The following LRRC56 variants were observed in gnomAD, a reference collection of about 807,000 sequenced individuals.
The protein encoded by LRRC56 is leucine rich repeat containing 56.
A neutral mutation model predicts 47.8 loss-of-function variants in LRRC56; 41 were observed. That is an observed-to-expected ratio of 0.86 (90% CI 0.67 to 1.11). The LOEUF (loss-of-function observed/expected upper bound fraction) is 1.11. Among genes scored for constraint, LRRC56 ranks in the 50% most tolerant of loss-of-function variants. The probability of loss-of-function intolerance (pLI) is 0.00; values close to 1 mark genes in which losing one functional copy is unlikely to be tolerated. For missense variants in LRRC56, 759 were observed against 704.2 expected, an observed-to-expected ratio of 1.08 and a Z score of -0.88; for synonymous variants, 387 against 311.2, an observed-to-expected ratio of 1.24 and a Z score of -2.56.
At chr11:551,037 G>A (rs773360911) in intron 8 of LRRC56, 94 bp from the exon 9 acceptor site, 23 of 730,824 alleles carry the variant, frequency 3.1e-5, no homozygotes, top group Non-Finnish European at 4.7e-5. Flanking sequence ...CCTGCCCCAC[G>A]GTGGGTCTGG....
At chr11:550,035 T>C in intron 7 of LRRC56, 37 bp downstream of exon 7, 2 of 1,608,806 alleles carry the variant, frequency 1.2e-6, no homozygotes. Context: ...AGGCCTGGGC[T>C]GGGCCGGGCC....
chr11:551,766 G>A lies in LRRC56; in HGVS notation c.912G>A (p.Leu304=). 6.2e-7 allele frequency: 1 copy of A among 1,610,676 alleles called. No individual in the cohort carries two copies. Residue 304 remains leucine (L), a synonymous_variant, in exon 10 of 14, where the codon CTG becomes CTA. Coordinates refer to ENST00000270115, the MANE Select transcript of LRRC56 (RefSeq NM_198075.4). The part of the protein sequence containing the change: ...PFSLLVRGGP[L]PEGLLSEDLA... ...CCCTGCTGGTCCGTGGGGGCCCCCT[G>A]CCTGAAGGCCTGCTTTCTGAGGACC...
upstream of LRRC56, chr11:535,523 G>A (rs1380744369): frequency 5.4e-5 from 8 of 148,058 alleles, no homozygotes; most frequent in African/African-American, 2.0e-4. Context: ...TCCGCGGCGG[G>A]TGCGGCTCGG....
the LRRC56 span, among the ~76,000 whole-genome samples, chr11:509,093 C>A: frequency 2.2e-3 from 329 of 152,202 alleles, 6 homozygotes; most frequent in Admixed American, 0.02. Flanking sequence ...GGTTCACACA[C>A]ACACACACAC....
chr11:508,479 G>A, the LRRC56 span, among the ~76,000 whole-genome samples: 2 of 152,218 alleles, frequency 1.3e-5, no homozygotes, highest in African/African-American at 4.8e-5. Context: ...TAAAGAAGGT[G>A]GTTCTGGCCG....
the LRRC56 span, among the ~76,000 whole-genome samples, chr11:509,086 T>TCA: frequency 0.1 from 15,351 of 150,360 alleles, 1,019 homozygotes; most frequent in Admixed American, 0.19. Context: ...AGAAGGTGGT[T>TCA]CACACACACA....
chr11:553,829 GTGC>G, intron 13 of LRRC56, 131 bp from the exon 14 acceptor site: 1 of 734,022 alleles, frequency 1.4e-6, no homozygotes, highest in Non-Finnish European at 2.3e-6. Flanking sequence ...GGGTGCAGGG[GTGC>G]TGCTGCCTGT....
the LRRC56 span, chr11:529,808 G>A: frequency 6.6e-6 from 1 of 152,388 alleles, no homozygotes; most frequent in African/African-American, 2.4e-5. Flanking sequence ...CTCCCTCAAG[G>A]GGAGGAGCTG....
At chr11:524,241 A>G in the LRRC56 span, among the ~76,000 whole-genome samples, 16 of 152,228 alleles carry the variant, frequency 1.1e-4, no homozygotes, top group Non-Finnish European at 1.5e-4. Context: ...GAAGGGGCAG[A>G]CACACACCGA....
At chr11:511,277 C>T in the LRRC56 span, among the ~76,000 whole-genome samples, 532 of 149,482 alleles carry the variant, frequency 3.6e-3, 2 homozygotes, top group Non-Finnish European at 5.9e-3. Flanking sequence ...GCCAAGATCG[C>T]GCCACTGCAC....
At position 552,756 on chromosome 11, in the gene LRRC56, T is replaced by C. The variant is rs12361381; in HGVS notation, c.1315+54T>C. 1,405,885 of 1,517,712 alleles carry C rather than the reference T, an allele frequency of 0.93. 652,232 individuals are homozygous for C. The highest frequency in any genetic ancestry group is 0.97 in the Admixed American group (49,743 of 51,526). 94.0% of individuals were successfully genotyped at this position (1,517,712 alleles called of 1,614,324 possible). A position where few individuals can be genotyped will look rare whatever the true frequency, so the allele number is the denominator to read the frequency against. Reference sequence around the variant, plus strand: ...TGCCTGGGAGTGACCAACACCCCACTTCTATAGGGGGGCCCTTACCCCAGA... The same window carrying C: ...TGCCTGGGAGTGACCAACACCCCACCTCTATAGGGGGGCCCTTACCCCAGA... On this transcript the variant is annotated intron_variant, in intron 13 of 13. Coordinates refer to ENST00000270115, the MANE Select transcript of LRRC56 (RefSeq NM_198075.4).
chr11:532,880 A>AG, upstream of LRRC56: 1 of 932,250 alleles, frequency 1.1e-6, no homozygotes, highest in Non-Finnish European at 1.7e-6. Flanking sequence ...CCACTTCCCC[A>AG]GGCCCACCAC....
At chr11:521,372 G>T in the LRRC56 span, among the ~76,000 whole-genome samples, 1 of 152,288 alleles carries the variant, frequency 6.6e-6, no homozygotes, top group East Asian at 1.9e-4. Context: ...GCAGTGCCAT[G>T]ATCACAGGTC....
At chr11:523,171 G>A in the LRRC56 span, among the ~76,000 whole-genome samples, 3 of 152,088 alleles carry the variant, frequency 2.0e-5, no homozygotes, top group Non-Finnish European at 4.4e-5. Flanking sequence ...TGGGATTACA[G>A]GCACGCACCA....
At chr11:531,739 C>A in the LRRC56 span, among the ~76,000 whole-genome samples, 3 of 152,204 alleles carry the variant, frequency 2.0e-5, no homozygotes, top group Non-Finnish European at 4.4e-5. Flanking sequence ...TGAGGCCAGT[C>A]GGTGCTGGAG....
intron 6 of LRRC56, among the ~76,000 whole-genome samples, chr11:547,800 C>T (rs758723997): frequency 6.6e-6 from 1 of 151,788 alleles, no homozygotes; most frequent in Non-Finnish European, 1.5e-5. Context: ...AAAATAGTTC[C>T]AAAGGAAAAA....
At chr11:549,767 CAGAG>C (rs1251996246) in intron 6 of LRRC56, 131 bp from the exon 7 acceptor site, 3 of 681,486 alleles carry the variant, frequency 4.4e-6, no homozygotes, top group Non-Finnish European at 7.5e-6. Context: ...AAGGCCAAGG[CAGAG>C]AGCCCCTTCC....
chr11:532,019 G>A, the LRRC56 span, among the ~76,000 whole-genome samples: 1 of 152,200 alleles, frequency 6.6e-6, no homozygotes, highest in Non-Finnish European at 1.5e-5. Flanking sequence ...TAAGCTCTCT[G>A]TCCTTATGAT....
the LRRC56 span, among the ~76,000 whole-genome samples, chr11:508,612 C>T: frequency 6.6e-6 from 1 of 151,704 alleles, no homozygotes; most frequent in East Asian, 1.9e-4. Context: ...ACTAAAAATA[C>T]AAAAATTAGC....
Sources: allele counts gnomAD v4.1 joint callset (sites outside exome capture counted in the v4.1 genomes callset), GRCh38; gene constraint gnomAD v4.1.1; transcripts MANE v1.5; gene names NCBI Gene and HGNC (gene_info 2026-07-23, HGNC 2026-07-21).